DGKB: variants seen among roughly 807,000 people sequenced by gnomAD.
DGKB encodes diacylglycerol kinase beta, also known as 90 kDa diacylglycerol kinase.
DGKB carries 67 observed loss-of-function variants against 114.3 expected under a neutral mutation model. That is an observed-to-expected ratio of 0.59 (90% CI 0.48 to 0.72). DGKB has a LOEUF of 0.72. DGKB is among the 30% of genes least tolerant of loss of function. DGKB has a pLI of 0.00. For missense variants in DGKB, 907 were observed against 975.2 expected (o/e 0.93, Z 0.93); for synonymous variants, 398 against 323.1 (o/e 1.23, Z -2.49).
chr7:14,324,357 G>T (rs887312555), intron 23 of DGKB, among the ~76,000 whole-genome samples: 1 of 149,586 alleles, frequency 6.7e-6, no homozygotes, highest in Non-Finnish European at 1.5e-5. Flanking sequence ...TGAGGCAGGA[G>T]AATTGCTTGA....
At chr7:14,608,898 C>A (rs1805009872) in intron 16 of DGKB, among the ~76,000 whole-genome samples, 1 of 151,902 alleles carries the variant, frequency 6.6e-6, no homozygotes, top group Non-Finnish European at 1.5e-5. Flanking sequence ...AACCACAAAG[C>A]ACTGCTGAAA....
At chr7:14,155,870 G>C (rs918171556) in intron 25 of DGKB, among the ~76,000 whole-genome samples, 7 of 152,112 alleles carry the variant, frequency 4.6e-5, no homozygotes, top group African/African-American at 1.7e-4. Flanking sequence ...GAGATGCTCA[G>C]TATCTTTTGG....
chr7:14,891,063 G>A (rs1369115676), intron 1 of DGKB, among the ~76,000 whole-genome samples: 1 of 151,236 alleles, frequency 6.6e-6, no homozygotes, highest in African/African-American at 2.4e-5. Flanking sequence ...ATATGGTAAC[G>A]TACAGGTACT....
intron 1 of DGKB, among the ~76,000 whole-genome samples, chr7:14,956,847 C>A (rs768817491): frequency 4.0e-5 from 6 of 149,518 alleles, no homozygotes; most frequent in Non-Finnish European, 7.5e-5. Flanking sequence ...AGGGAAAAGT[C>A]GTTTCAATTT....
chr7:14,437,440 A>C (rs1300818619), intron 21 of DGKB, among the ~76,000 whole-genome samples: 1 of 152,136 alleles, frequency 6.6e-6, no homozygotes, highest in Non-Finnish European at 1.5e-5. Context: ...AGTTAAACAC[A>C]AATTGAGGAG....
At chr7:14,958,881 C>G (rs1233389358) in intron 1 of DGKB, among the ~76,000 whole-genome samples, 1 of 151,982 alleles carries the variant, frequency 6.6e-6, no homozygotes, top group Non-Finnish European at 1.5e-5. Context: ...GATTAAAATC[C>G]TATATATGAG....
intron 21 of DGKB, among the ~76,000 whole-genome samples, chr7:14,376,697 G>A (rs1166994165): frequency 6.6e-6 from 1 of 152,130 alleles, no homozygotes. Flanking sequence ...AGCCCCTTCA[G>A]TAGCACATGT....
chr7:14,522,920 G>C (rs1028746872), intron 20 of DGKB, among the ~76,000 whole-genome samples: 1 of 152,064 alleles, frequency 6.6e-6, no homozygotes, highest in Admixed American at 6.6e-5. Flanking sequence ...AGACAAGAAA[G>C]CATACGGAAT....
chr7:14,531,676 G>A (rs1416287808), intron 20 of DGKB, among the ~76,000 whole-genome samples: 1 of 150,334 alleles, frequency 6.7e-6, no homozygotes, highest in Non-Finnish European at 1.5e-5. Flanking sequence ...TTTTTTTTGA[G>A]AAATCAACAA....
intron 20 of DGKB, among the ~76,000 whole-genome samples, chr7:14,510,892 A>C (rs1350338070): frequency 1.3e-5 from 2 of 152,226 alleles, no homozygotes; most frequent in Non-Finnish European, 2.9e-5. Flanking sequence ...TACATTGCAA[A>C]TGAATCATAA....
intron 5 of DGKB, 88 bp from the exon 6 acceptor site, chr7:14,718,773 C>A: frequency 1.0e-6 from 1 of 974,566 alleles, no homozygotes; most frequent in Non-Finnish European, 1.5e-6. Flanking sequence ...AACACACAGG[C>A]TACATAGAAA....
intron 23 of DGKB, among the ~76,000 whole-genome samples, chr7:14,190,571 C>G (rs555897509): frequency 3.3e-5 from 5 of 151,604 alleles, no homozygotes; most frequent in East Asian, 3.9e-4. Flanking sequence ...AAAATTGATG[C>G]TAAGAACAAA....
At chr7:14,876,225 A>G (rs916809936) in intron 1 of DGKB, among the ~76,000 whole-genome samples, 1 of 152,090 alleles carries the variant, frequency 6.6e-6, no homozygotes, top group African/African-American at 2.4e-5. Flanking sequence ...AACGACCCAA[A>G]AGTTACTACC....
intron 21 of DGKB, 98 bp from the exon 22 acceptor site, chr7:14,345,489 G>A: frequency 1.6e-6 from 1 of 626,112 alleles, no homozygotes; most frequent in Non-Finnish European, 2.8e-6. Flanking sequence ...AATAGAAAAG[G>A]TCTGAGGACA....
At chr7:14,891,430 A>G (rs1374479212) in intron 1 of DGKB, among the ~76,000 whole-genome samples, 1 of 151,468 alleles carries the variant, frequency 6.6e-6, no homozygotes, top group Admixed American at 6.6e-5. Flanking sequence ...GGAAAAAAAC[A>G]AAGAACCAGA....
At chr7:14,891,758 ATC>A (rs879499774) in intron 1 of DGKB, among the ~76,000 whole-genome samples, 11 of 151,546 alleles carry the variant, frequency 7.3e-5, no homozygotes, top group Non-Finnish European at 1.0e-4. Context: ...CAAAATACTT[ATC>A]TCTCTTTTCA....
chr7:14,746,977 A>C (rs1192601272), intron 4 of DGKB, among the ~76,000 whole-genome samples: 3 of 152,166 alleles, frequency 2.0e-5, no homozygotes, highest in Non-Finnish European at 4.4e-5. Context: ...TTGAAAAATA[A>C]AAGCCTATTA....
In DGKB at chr7:14,304,046, AACACAC is replaced by A. The variant is rs773102280; in HGVS notation, c.2122+34463_2122+34468del. ...TATTATACACCATTTGTTCTTATAG[AACACAC>A]ACACACACACACACACACACACACA... On this transcript the variant is annotated intron_variant, in intron 23 of 25. Transcript: ENST00000402815. 8.3e-4 allele frequency among the ~76,000 whole-genome samples: 94 copies of A among 112,720 alleles called. 1 individual carries two copies. Among genetic ancestry groups the A allele is most frequent in the East Asian group, 7.7e-3 (28 of 3,622 alleles). The allele number at this position is 112,720 out of a possible 152,430, so 73.9% of individuals were successfully genotyped here.
intron 23 of DGKB, chr7:14,192,298 G>C (rs1784422116): frequency 5.2e-6 from 1 of 190,722 alleles, no homozygotes. Context: ...ACACAAATCA[G>C]TAGCATGTCC....
Sources: allele counts gnomAD v4.1 joint callset (sites outside exome capture counted in the v4.1 genomes callset), GRCh38; gene constraint gnomAD v4.1.1; transcripts MANE v1.5; gene names NCBI Gene and HGNC (gene_info 2026-07-23, HGNC 2026-07-21).